Variants in DNAH14 observed in about 807,000 individuals in gnomAD.
DNAH14 encodes dynein axonemal heavy chain 14.
Under a neutral mutation model 520.9 loss-of-function variants are expected in DNAH14, and 478 were observed. The observed-to-expected ratio is 0.92, with a 90% confidence interval of 0.85 to 0.99. The LOEUF (loss-of-function observed/expected upper bound fraction) is 0.99. Among genes scored for constraint, DNAH14 ranks in the 50% least tolerant of loss-of-function variants. The pLI is 0.00. For missense variants in DNAH14, 4,831 were observed against 5,234.5 expected, an observed-to-expected ratio of 0.92 and a Z score of 2.38; for synonymous variants, 1,581 against 1,757.2, an observed-to-expected ratio of 0.90 and a Z score of 2.51.
At chr1:224,938,979 A>G (rs1006474982) in intron 1 of DNAH14, among the ~76,000 whole-genome samples, 1 of 152,198 alleles carries the variant, frequency 6.6e-6, no homozygotes, top group African/African-American at 2.4e-5. Flanking sequence ...GAGCAAAAAA[A>G]GTGGCTCTCG....
At chr1:225,275,524 C>T (rs1359165661) in intron 52 of DNAH14, among the ~76,000 whole-genome samples, 1 of 152,116 alleles carries the variant, frequency 6.6e-6, no homozygotes, top group Non-Finnish European at 1.5e-5. Context: ...TGGAAACTTG[C>T]AGAACTGTAG....
intron 42 of DNAH14, among the ~76,000 whole-genome samples, chr1:225,237,199 T>G (rs2091650183): frequency 1.3e-5 from 2 of 152,200 alleles, no homozygotes; most frequent in Admixed American, 1.3e-4. Flanking sequence ...TATGTGGTTG[T>G]TTCATAGTGT....
intron 3 of DNAH14, among the ~76,000 whole-genome samples, chr1:224,958,475 C>A (rs2128270): frequency 0.21 from 31,711 of 151,784 alleles, 4,448 homozygotes; most frequent in African/African-American, 0.39. Context: ...GTGGGAGTTT[C>A]GGATATTGGC....
chr1:225,335,807 A>G (rs371207804), intron 66 of DNAH14, among the ~76,000 whole-genome samples: 4 of 136,984 alleles, frequency 2.9e-5, no homozygotes, highest in African/African-American at 8.2e-5. Flanking sequence ...ATGTATATGT[A>G]CATATATGTA....
chr1:225,174,374 G>T (rs12403292), intron 36 of DNAH14, among the ~76,000 whole-genome samples: 19,447 of 152,072 alleles, frequency 0.13, 1,400 homozygotes, highest in East Asian at 0.31. Context: ...GTGTTTTATA[G>T]ATGATGATAT....
chr1:225,220,085 A>C (rs2089889174), intron 41 of DNAH14, among the ~76,000 whole-genome samples: 1 of 152,192 alleles, frequency 6.6e-6, no homozygotes, highest in Non-Finnish European at 1.5e-5. Context: ...GATGCAGAAA[A>C]GGCCTTCGAT....
chr1:225,210,043 G>A (rs1016322656), intron 41 of DNAH14, among the ~76,000 whole-genome samples: 41 of 152,074 alleles, frequency 2.7e-4, no homozygotes, highest in African/African-American at 9.9e-4. Flanking sequence ...CACCACAAGG[G>A]CCTTGGGTTT....
rs12184324 is a variant in DNAH14 at position 225,340,638 on chromosome 1, C to T, written c.10615C>T (p.Leu3539Phe). ...QRSKLLESIS[L>F]DAITLEELEE... ...TTCCAAGTTACTGGAGAGTATTTCC[C>T]TTGATGCCATAACTCTTGAAGAACT... Residue 3539 changes from leucine (L) to phenylalanine (F), a missense_variant, in exon 69 of 86, where the codon CTT becomes TTT. Coordinates refer to ENST00000682510, the MANE Select transcript of DNAH14 (RefSeq NM_001367479.1). The T allele has an allele frequency of 0.053, 81,581 of 1,551,214 alleles. 3,405 individuals carry two copies. Among genetic ancestry groups the T allele is most frequent in the African/African-American group, 0.22 (15,913 of 73,042 alleles).
intron 58 of DNAH14, 52 bp from the exon 59 acceptor site, chr1:225,307,409 T>G: frequency 8.1e-7 from 1 of 1,235,898 alleles, no homozygotes; most frequent in South Asian, 1.5e-5. Context: ...CAAATTATAT[T>G]TGCTAAATTG....
At chr1:225,096,973 C>A in intron 21 of DNAH14, 145 bp from the exon 22 acceptor site, 1 of 644,462 alleles carries the variant, frequency 1.6e-6, no homozygotes, top group Non-Finnish European at 2.4e-6. Flanking sequence ...ACAATTAGAT[C>A]TGTATTCATT....
At chr1:225,161,802 C>A (rs1045098470) in intron 35 of DNAH14, among the ~76,000 whole-genome samples, 2 of 152,132 alleles carry the variant, frequency 1.3e-5, no homozygotes, top group African/African-American at 4.8e-5. Context: ...ATTTCTAAGT[C>A]TTCTTTTGAG....
chr1:225,170,240 T>A (rs1439873081), intron 36 of DNAH14, among the ~76,000 whole-genome samples: 1 of 152,198 alleles, frequency 6.6e-6, no homozygotes, highest in Non-Finnish European at 1.5e-5. Context: ...GGTAACATCA[T>A]AATAACAGCA....
intron 34 of DNAH14, among the ~76,000 whole-genome samples, chr1:225,155,131 CCTTGGTG>C (rs2080900274): frequency 6.6e-6 from 1 of 151,972 alleles, no homozygotes; most frequent in Non-Finnish European, 1.5e-5. Flanking sequence ...TTGGGCAAAA[CCTTGGTG>C]AAACTATAGG....
Position 225,177,740 on chromosome 1 carries a change from G to A in DNAH14, c.5536-7551G>A, listed in dbSNP as rs143344867. Among the ~76,000 whole-genome samples the A allele has an allele frequency of 3.3e-3, 509 of 152,308 alleles. 2 individuals carry two copies. Among genetic ancestry groups the A allele is most frequent in the African/African-American group, 0.011 (467 of 41,556 alleles). The stretch of plus-strand genomic sequence containing the variant: ...GGGAGCCTCTGCTTAGATTTCAGAA[G>A]ATGTATGGAAATGCCTGGATGTCCA... On this transcript the variant is annotated intron_variant, in intron 36 of 85. Coordinates refer to ENST00000682510, the MANE Select transcript of DNAH14 (RefSeq NM_001367479.1).
chr1:224,937,629 G>A (rs1287964783), intron 1 of DNAH14, among the ~76,000 whole-genome samples: 1 of 151,978 alleles, frequency 6.6e-6, no homozygotes, highest in Admixed American at 6.6e-5. Context: ...ACTACCCAAA[G>A]CAATTTACAT....
chr1:225,128,255 C>T (rs2077986111), intron 27 of DNAH14, among the ~76,000 whole-genome samples: 1 of 151,548 alleles, frequency 6.6e-6, no homozygotes, highest in Non-Finnish European at 1.5e-5. Flanking sequence ...TGTTGGCCTG[C>T]ATTCCTTCTG....
intron 43 of DNAH14, among the ~76,000 whole-genome samples, chr1:225,249,573 G>A (rs1306220841): frequency 6.6e-6 from 1 of 152,150 alleles, no homozygotes; most frequent in African/African-American, 2.4e-5. Context: ...AAATGGCCTT[G>A]CTGAACTGAG....
intron 27 of DNAH14, among the ~76,000 whole-genome samples, chr1:225,138,750 C>T (rs1441585400): frequency 6.6e-6 from 1 of 152,128 alleles, no homozygotes; most frequent in South Asian, 2.1e-4. Context: ...GGTGGGGGTT[C>T]CTTTGGCTCC....
chr1:224,978,725 A>G (rs1055703129), intron 8 of DNAH14, among the ~76,000 whole-genome samples: 22 of 152,174 alleles, frequency 1.4e-4, no homozygotes, highest in Non-Finnish European at 1.5e-4. Context: ...TACAGCCTCA[A>G]ACTCCTGGGC....
Sources: allele counts gnomAD v4.1 joint callset (sites outside exome capture counted in the v4.1 genomes callset), GRCh38; gene constraint gnomAD v4.1.1; transcripts MANE v1.5; gene names NCBI Gene and HGNC (gene_info 2026-07-23, HGNC 2026-07-21).